COBL: variants seen among roughly 807,000 people sequenced by gnomAD.
COBL encodes the protein cordon-bleu WH2 repeat protein.
In COBL, 51 loss-of-function variants were observed where a neutral mutation model predicts 98.8. That is an observed-to-expected ratio of 0.52 (90% confidence interval 0.41 to 0.65). The LOEUF is 0.65. COBL is among the 30% of genes least tolerant of loss of function. The pLI is 0.00. For synonymous variants in COBL, 634 were observed against 651.7 expected, an observed-to-expected ratio of 0.97 and a Z score of 0.41; for missense variants, 1,617 against 1,617.5, an observed-to-expected ratio of 1.00 and a Z score of 0.01.
At chr7:51,045,028 CT>C (rs1483338469) in intron 7 of COBL, among the ~76,000 whole-genome samples, 1 of 152,206 alleles carries the variant, frequency 6.6e-6, no homozygotes, top group Non-Finnish European at 1.5e-5. Flanking sequence ...TGCAGTGATG[CT>C]GGTCTGCTGC....
intron 1 of COBL, among the ~76,000 whole-genome samples, chr7:51,306,764 C>A (rs868373283): frequency 6.6e-6 from 1 of 152,142 alleles, no homozygotes; most frequent in African/African-American, 2.4e-5. Context: ...TGAGTTCTGT[C>A]ACAATCAAAC....
chr7:51,167,708 T>C (rs1787464437), intron 5 of COBL, among the ~76,000 whole-genome samples: 1 of 152,134 alleles, frequency 6.6e-6, no homozygotes. Flanking sequence ...CAAAACAGCA[T>C]GGTACTGGCA....
chr7:51,121,999 C>G (rs927528404), intron 6 of COBL, among the ~76,000 whole-genome samples: 1 of 152,208 alleles, frequency 6.6e-6, no homozygotes, highest in African/African-American at 2.4e-5. Context: ...GCATAACTCT[C>G]TAACACAAAG....
At chr7:51,221,271 C>A (rs1054515421) in intron 1 of COBL, among the ~76,000 whole-genome samples, 2 of 152,072 alleles carry the variant, frequency 1.3e-5, no homozygotes, top group Admixed American at 1.3e-4. Flanking sequence ...GAGTGGTCTT[C>A]CAAAGGCATT....
At chr7:51,202,762 C>T (rs1036380631) in intron 2 of COBL, among the ~76,000 whole-genome samples, 32 of 152,144 alleles carry the variant, frequency 2.1e-4, no homozygotes, top group African/African-American at 7.0e-4. Context: ...AAGGAAGGGC[C>T]GGGCACAGTG....
At chr7:51,204,492 C>T (rs549712126) in intron 2 of COBL, among the ~76,000 whole-genome samples, 7 of 151,432 alleles carry the variant, frequency 4.6e-5, no homozygotes, top group Non-Finnish European at 1.0e-4. Flanking sequence ...AAGAAAAAAC[C>T]GTTAAAAGTA....
At chr7:51,130,366 GCAT>G (rs1798627542) in intron 6 of COBL, among the ~76,000 whole-genome samples, 1 of 152,140 alleles carries the variant, frequency 6.6e-6, no homozygotes, top group Non-Finnish European at 1.5e-5. Context: ...ATGTCTCCAA[GCAT>G]CATCCACTTT....
intron 1 of COBL, among the ~76,000 whole-genome samples, chr7:51,245,113 G>C (rs1021799012): frequency 6.6e-6 from 1 of 152,052 alleles, no homozygotes; most frequent in African/African-American, 2.4e-5. Context: ...TTACAGCCAG[G>C]CTTCCTCCAC....
At chr7:51,073,390 G>C (rs146321104) in intron 7 of COBL, 1 of 679,680 alleles carries the variant, frequency 1.5e-6, no homozygotes, top group Admixed American at 2.1e-5. Context: ...AATAAACTGC[G>C]GGGGGAAAAT....
intron 1 of COBL, among the ~76,000 whole-genome samples, chr7:51,311,197 A>T (rs942761671): frequency 2.6e-5 from 4 of 152,250 alleles, no homozygotes; most frequent in African/African-American, 9.6e-5. Flanking sequence ...TAGCTGGGGG[A>T]TTACTCTAAT....
chr7:51,201,429 C>T (rs1336625521), intron 2 of COBL, among the ~76,000 whole-genome samples: 1 of 152,020 alleles, frequency 6.6e-6, no homozygotes, highest in African/African-American at 2.4e-5. Flanking sequence ...AAACCACCAA[C>T]ATGAAAGCAC....
intron 1 of COBL, among the ~76,000 whole-genome samples, chr7:51,301,723 G>C (rs1801986304): frequency 6.6e-6 from 1 of 152,212 alleles, no homozygotes; most frequent in Non-Finnish European, 1.5e-5. Flanking sequence ...CCAAGCCACA[G>C]ATTCCAGCGC....
intron 5 of COBL, among the ~76,000 whole-genome samples, chr7:51,169,528 ATG>A (rs1787650223): frequency 6.6e-6 from 1 of 152,238 alleles, no homozygotes; most frequent in Non-Finnish European, 1.5e-5. Flanking sequence ...ATGAAAAAGA[ATG>A]AGATCTTGTC....
At chr7:51,194,275 A>G (rs1790392391) in intron 2 of COBL, among the ~76,000 whole-genome samples, 4 of 152,158 alleles carry the variant, frequency 2.6e-5, no homozygotes, top group Admixed American at 2.6e-4. Flanking sequence ...TGTTTTTACA[A>G]AGGACATGAT....
intron 5 of COBL, among the ~76,000 whole-genome samples, chr7:51,180,377 G>A (rs1038718753): frequency 6.6e-6 from 1 of 152,196 alleles, no homozygotes; most frequent in African/African-American, 2.4e-5. Flanking sequence ...GAGATCTCGA[G>A]AAGAAAGAAA....
At chr7:51,117,821 C>T (rs1035439871) in intron 6 of COBL, among the ~76,000 whole-genome samples, 6 of 152,094 alleles carry the variant, frequency 3.9e-5, no homozygotes, top group Non-Finnish European at 2.9e-5. Flanking sequence ...GTTCTAGATT[C>T]CCTCATATTC....
At chr7:51,208,027 G>A in intron 2 of COBL, among the ~76,000 whole-genome samples, 1 of 151,388 alleles carries the variant, frequency 6.6e-6, no homozygotes, top group South Asian at 2.1e-4. Flanking sequence ...GAAGTGAGGA[G>A]CATCTCTGCC....
intron 1 of COBL, among the ~76,000 whole-genome samples, chr7:51,267,611 G>T (rs1022316107): frequency 3.3e-5 from 5 of 152,128 alleles, no homozygotes; most frequent in African/African-American, 1.2e-4. Flanking sequence ...GTTGCTCTCT[G>T]TCACCCAGGC....
At chr7:51,259,149 C>A (rs548614357) in intron 1 of COBL, among the ~76,000 whole-genome samples, 1 of 152,056 alleles carries the variant, frequency 6.6e-6, no homozygotes, top group East Asian at 1.9e-4. Flanking sequence ...TAGCCAGATG[C>A]AGTGGCGATT....
Sources: gnomAD v4.1 joint callset for allele counts (sites outside exome capture counted in the v4.1 genomes callset) on GRCh38, gnomAD v4.1.1 for gene constraint, MANE v1.5 for transcripts, NCBI Gene and HGNC (gene_info 2026-07-23, HGNC 2026-07-21) for gene names.